NRXN1: variants seen among roughly 807,000 people sequenced by gnomAD.
The protein encoded by NRXN1 is neurexin 1.
Under a neutral mutation model 150.9 loss-of-function variants are expected in NRXN1, and 39 were observed. The observed-to-expected ratio is 0.26, with a 90% CI of 0.20 to 0.34. The LOEUF (loss-of-function observed/expected upper bound fraction) is 0.34. Among genes scored for constraint, NRXN1 ranks in the 10% least tolerant of loss-of-function variants. NRXN1 has a pLI of 1.00. For missense variants in NRXN1, 1,815 were observed against 1,949.9 expected, an observed-to-expected ratio of 0.93 and a Z score of 1.30; for synonymous variants, 924 against 757.0, an observed-to-expected ratio of 1.22 and a Z score of -3.62.
At chr2:50,049,734 C>T (rs1316667684) in intron 21 of NRXN1, among the ~76,000 whole-genome samples, 4 of 152,110 alleles carry the variant, frequency 2.6e-5, no homozygotes, top group Non-Finnish European at 2.9e-5. Flanking sequence ...TGTTGGCTTA[C>T]ATGTACTCAT....
chr2:50,199,537 T>TACACACACACAC (rs67959182), intron 18 of NRXN1, among the ~76,000 whole-genome samples: 132 of 149,434 alleles, frequency 8.8e-4, no homozygotes, highest in African/African-American at 3.2e-3. Flanking sequence ...CTCTTTCTTA[T>TACACACACACAC]ACACACACAC....
chr2:50,006,794 C>T lies in NRXN1; in HGVS notation c.4128+46477G>A, dbSNP rs552433221. 3.3e-4 allele frequency among the ~76,000 whole-genome samples: 50 copies of T among 152,186 alleles called. 1 individual carries two copies. Among genetic ancestry groups the T allele is most frequent in the African/African-American group, 1.2e-3 (48 of 41,530 alleles). ...CAAAACTGTGCTTGTGATTCAAATC[C>T]CCCTCTCTGCAGGGATAAATCATGT... On this transcript the variant is annotated intron_variant, in intron 21 of 22. Coordinates refer to ENST00000401669, the MANE Select transcript of NRXN1 (RefSeq NM_001330078.2).
rs562180454 is a variant in NRXN1, at chr2:50,612,762, A to C, written c.1320+7260T>G. 5.9e-5 allele frequency among the ~76,000 whole-genome samples: 9 copies of C among 152,268 alleles called. No individual in the cohort carries two copies. The East Asian group carries it at 1.7e-3, about 29-fold the overall frequency. ...AAGTGCTCTACTAACAGGACTATCA[A>C]CTCAGGGATGGCACTCACAGCCATG... On this transcript the variant is annotated intron_variant, in intron 8 of 22. Coordinates refer to ENST00000401669, the MANE Select transcript of NRXN1 (RefSeq NM_001330078.2).
chr2:50,826,265 AATCT>A (rs1419322989), intron 5 of NRXN1, among the ~76,000 whole-genome samples: 3 of 152,186 alleles, frequency 2.0e-5, no homozygotes, highest in Non-Finnish European at 4.4e-5. Flanking sequence ...CTAGTCATGT[AATCT>A]TCTGGGGACA....
chr2:50,904,650 T>C (rs577096836), intron 5 of NRXN1, among the ~76,000 whole-genome samples: 1 of 151,272 alleles, frequency 6.6e-6, no homozygotes, highest in Non-Finnish European at 1.5e-5. Flanking sequence ...CCTGTCTGCA[T>C]TAAATGATCA....
At chr2:50,376,246 C>A (rs912406092) in intron 17 of NRXN1, among the ~76,000 whole-genome samples, 1 of 151,534 alleles carries the variant, frequency 6.6e-6, no homozygotes, top group Non-Finnish European at 1.5e-5. Flanking sequence ...CCATGTAAGT[C>A]TGAAAGAGAG....
At chr2:50,098,840 T>TTTTGG (rs1700607939) in intron 18 of NRXN1, among the ~76,000 whole-genome samples, 1 of 8,328 alleles carries the variant, frequency 1.2e-4, no homozygotes, top group African/African-American at 9.0e-4. Context: ...GTTTTTTTTT[T>TTTTGG]TTTTTTTTTT....
Position 51,027,793 on chromosome 2 carries a change from C to T in NRXN1, c.481G>A (p.Glu161Lys). The change falls in exon 2 of 23, where the codon GAA becomes AAA. Residue 161 changes from glutamate (E) to lysine (K), a missense_variant. Around this residue, in one of 6 missense-constraint regions of NRXN1, gnomAD observed 554 missense variants for 478.8 expected, o/e 1.16. Transcript: ENST00000401669. ...AGCTTGAGCGCCGCGGCGCGCAGTT[C>T]CGGGGGCAGCCCCCCGACGAAAAGG... ...SGLFVGGLPP[E>K]LRAAALKLTL... 1 of 1,612,950 alleles carries T rather than the reference C, an allele frequency of 6.2e-7. No individual in the cohort carries two copies. Among genetic ancestry groups the T allele is most frequent in the Non-Finnish European group, 8.5e-7 (1 of 1,179,546 alleles).
intron 5 of NRXN1, chr2:50,631,147 A>T (rs1231386020): frequency 2.3e-6 from 1 of 433,572 alleles, no homozygotes; most frequent in Non-Finnish European, 4.6e-6. Context: ...TACGTAATAT[A>T]TGTTGTAAAA....
Position 50,498,250 on chromosome 2 carries a change from A to G in NRXN1, c.2498-536T>C, listed in dbSNP as rs561772163. 2.0e-5 allele frequency among the ~76,000 whole-genome samples: 3 copies of G among 152,276 alleles called. No homozygotes were observed. In the East Asian group the frequency reaches 5.8e-4, roughly 29 times the overall value. ...TTGCAGCCCTTTCTTCCAGTAATGAAACATGAAAGTGTGTTTGAAGTTAAA... is the reference window on the plus strand; with the variant it reads ...TTGCAGCCCTTTCTTCCAGTAATGAGACATGAAAGTGTGTTTGAAGTTAAA... On this transcript the variant is annotated intron_variant, in intron 13 of 22. Transcript: ENST00000401669.
In NRXN1 at chr2:49,978,222, A is replaced by G. The variant is rs563864353; in HGVS notation, c.4129-34431T>C. ...AGGAGGACTAGCTGAGGAAATATATAAAGGAGAGGAAACTTCTGTAACTCT... is the reference window on the plus strand; with the variant it reads ...AGGAGGACTAGCTGAGGAAATATATGAAGGAGAGGAAACTTCTGTAACTCT... On this transcript the variant is annotated intron_variant, in intron 21 of 22. Transcript: ENST00000401669. 5.9e-5 allele frequency among the ~76,000 whole-genome samples: 9 copies of G among 152,232 alleles called. No homozygotes were observed. The South Asian group carries it at 1.9e-3, about 32-fold the overall frequency.
At chr2:50,968,439 C>G (rs1219803021) in intron 2 of NRXN1, among the ~76,000 whole-genome samples, 1 of 152,188 alleles carries the variant, frequency 6.6e-6, no homozygotes, top group South Asian at 2.1e-4. Context: ...ACCAATTCCA[C>G]CAGTCCACCT....
At chr2:50,007,727 T>G (rs112741007) in intron 21 of NRXN1, among the ~76,000 whole-genome samples, 1 of 151,194 alleles carries the variant, frequency 6.6e-6, no homozygotes. Flanking sequence ...GAATGATTTA[T>G]AATCCTTTGG....
At chr2:50,819,455 C>T (rs1669399707) in intron 5 of NRXN1, among the ~76,000 whole-genome samples, 1 of 152,060 alleles carries the variant, frequency 6.6e-6, no homozygotes, top group Non-Finnish European at 1.5e-5. Context: ...GATTCCACTT[C>T]TATGAGGTAC....
At chr2:50,503,728 T>C (rs1330974351) in intron 13 of NRXN1, among the ~76,000 whole-genome samples, 2 of 152,142 alleles carry the variant, frequency 1.3e-5, no homozygotes, top group African/African-American at 4.8e-5. Flanking sequence ...AACTCTGCAA[T>C]AGATACTAAA....
In NRXN1 at chr2:50,458,370, A is replaced by G. The variant is rs534079835; in HGVS notation, c.3364+7072T>C. Among the ~76,000 whole-genome samples, 38 of 152,286 alleles carry G rather than the reference A, an allele frequency of 2.5e-4. No individual in the cohort carries two copies. In the South Asian group the frequency reaches 7.5e-3, roughly 30 times the overall value. On this transcript the variant is annotated intron_variant, in intron 17 of 22. Coordinates refer to ENST00000401669, the MANE Select transcript of NRXN1 (RefSeq NM_001330078.2). The stretch of plus-strand genomic sequence containing the variant: ...GTAGAAGAAATAAGAGTAGTGTTTG[A>G]TAACACAATATGGCAAATACAGTTA...
At chr2:50,688,095 C>G (rs1282739225) in intron 5 of NRXN1, among the ~76,000 whole-genome samples, 2 of 152,172 alleles carry the variant, frequency 1.3e-5, no homozygotes, top group African/African-American at 2.4e-5. Flanking sequence ...TAGAGGTAAT[C>G]TGGGAAGGGA....
intron 5 of NRXN1, among the ~76,000 whole-genome samples, chr2:50,870,802 A>G (rs898780531): frequency 4.6e-5 from 7 of 151,726 alleles, no homozygotes; most frequent in Admixed American, 2.6e-4. Flanking sequence ...AAAAGACCAT[A>G]TGCAATCTCT....
intron 17 of NRXN1, among the ~76,000 whole-genome samples, chr2:50,343,956 C>T (rs2077738623): frequency 6.6e-6 from 1 of 152,272 alleles, no homozygotes; most frequent in Non-Finnish European, 1.5e-5. Flanking sequence ...AGATTTTGAA[C>T]TAAACCTCAT....
Sources: allele counts gnomAD v4.1 joint callset (sites outside exome capture counted in the v4.1 genomes callset), GRCh38; gene constraint gnomAD v4.1.1; regional missense constraint gnomAD v4.1.1; transcripts MANE v1.5; gene names NCBI Gene and HGNC (gene_info 2026-07-23, HGNC 2026-07-21).